The following CENPF variants were observed in gnomAD, a reference collection of about 807,000 sequenced individuals.
The protein encoded by CENPF is AH antigen.
A neutral mutation model predicts 307.3 loss-of-function variants in CENPF; 214 were observed. That is an observed-to-expected ratio of 0.70 (90% CI 0.62 to 0.78). The LOEUF (loss-of-function observed/expected upper bound fraction) is 0.78. Ranked by LOEUF, CENPF falls within the 30% of genes least tolerant of loss-of-function variation. CENPF has a pLI of 0.00. For missense variants in CENPF, 3,401 were observed against 3,483.9 expected, an observed-to-expected ratio of 0.98 and a Z score of 0.60; for synonymous variants, 1,259 against 1,270.6, an observed-to-expected ratio of 0.99 and a Z score of 0.19.
chr1:214,639,928 T>A lies in CENPF; in HGVS notation c.1590T>A (p.Asn530Lys). ...TTATTTATTTTTAAATAGCGAAGAA[T>A]ACCTCTCAGGAAACCATGTTAAGAG... is the stretch of plus-strand genomic sequence containing the variant. ...QNFAEEMKAK[N>K]TSQETMLRDL... Residue 530 changes from asparagine to lysine, a missense_variant, in exon 12 of 20, where the codon AAT (asparagine) becomes AAA (lysine). Asn to Lys is a moderately conservative substitution (Grantham distance 94). Transcript: ENST00000366955. The A allele has an allele frequency of 6.6e-7, 1 of 1,504,766 alleles. No homozygotes were observed. Among genetic ancestry groups the A allele is most frequent in the Non-Finnish European group, 8.8e-7 (1 of 1,133,150 alleles). 93.2% of individuals were successfully genotyped at this position (1,504,766 alleles called of 1,614,324 possible).
chr1:214,633,302 C>G (rs941147254), intron 10 of CENPF, among the ~76,000 whole-genome samples: 24 of 152,148 alleles, frequency 1.6e-4, no homozygotes, highest in African/African-American at 5.6e-4. Context: ...TTCAATTTGG[C>G]TTCTCTCTGA....
rs761984704 is a variant in CENPF at position 214,642,522 on chromosome 1, T to C, written c.4184T>C (p.Leu1395Ser). ...AGTAATTCCTACGAGCACTTGACAT[T>C]GTCAGACAAAGAAGTTCAAATGCAC... ...DESNSYEHLT[L>S]SDKEVQMHFA... Residue 1395 changes from leucine (L) to serine (S), a missense_variant, in exon 12 of 20, where the codon TTG becomes TCG. Coordinates refer to ENST00000366955, the MANE Select transcript of CENPF (RefSeq NM_016343.4). 1 of 1,612,436 alleles carries C rather than the reference T, an allele frequency of 6.2e-7. No homozygotes were observed. The highest frequency in any genetic ancestry group is 8.5e-7 in the Non-Finnish European group (1 of 1,179,270).
rs1558172993 is a variant in CENPF, at chr1:214,620,865, G to C, written c.784G>C (p.Gly262Arg). ...TCCAAGTCGATCAACTTTGCAAATAGGGAAAAGAGATGCTAATAGCAGTTT... is the reference window on the plus strand; with the variant it reads ...TCCAAGTCGATCAACTTTGCAAATACGGAAAAGAGATGCTAATAGCAGTTT... ...VTPSRSTLQI[G>R]KRDANSSFFD... The change falls in exon 6 of 20, where the codon GGG (glycine) becomes CGG (arginine). Residue 262 changes from glycine (G) to arginine (R), a missense_variant. Transcript: ENST00000366955. 1 of 1,614,176 alleles carries C rather than the reference G, an allele frequency of 6.2e-7. No homozygotes were observed. The highest frequency in any genetic ancestry group is 1.3e-5 in the African/African-American group (1 of 75,044).
intron 18 of CENPF, 22 bp from the exon 19 acceptor site, chr1:214,658,826 GAC>G (rs1283292806): frequency 6.2e-7 from 1 of 1,612,076 alleles, no homozygotes; most frequent in East Asian, 2.2e-5. Flanking sequence ...TAGCAGTGCT[GAC>G]AGTTATTTTT....
At chr1:214,644,343 C>A (rs1658218685) in intron 12 of CENPF, among the ~76,000 whole-genome samples, 1 of 152,300 alleles carries the variant, frequency 6.6e-6, no homozygotes, top group South Asian at 2.1e-4. Context: ...AAATGCCTAA[C>A]CCCAGTGTCT....
At position 214,659,376 on chromosome 1, in the gene CENPF, C is replaced by A. The variant is rs995044922; in HGVS notation, c.9141+348C>A. Among the ~76,000 whole-genome samples, 18 of 151,860 alleles carry A rather than the reference C, an allele frequency of 1.2e-4. No individual in the cohort carries two copies. The highest frequency in any genetic ancestry group is 4.1e-4 in the African/African-American group (17 of 41,334). ...CACTGGTATTAGTCATTGTTTGTTT[C>A]AAACTTTACTCTCACTTATCTGCCC... On this transcript the variant is annotated intron_variant, in intron 19 of 19. Coordinates refer to ENST00000366955, the MANE Select transcript of CENPF (RefSeq NM_016343.4). This position sits in a 1 kb window ranked among gnomAD's most constrained non-coding sequence, Gnocchi z 4.4.
chr1:214,646,182 C>A lies in CENPF; in HGVS notation c.6612C>A (p.Asp2204Glu). Residue 2204 changes from aspartate to glutamate, a missense_variant, in exon 13 of 20, where the codon GAC becomes GAA. By Grantham distance (45) the Asp-to-Glu change is conservative. Transcript: ENST00000366955. ...MARSLKVFELDLVTLRSEKEN... is the reference protein window; with the variant it reads ...MARSLKVFELELVTLRSEKEN... ...GAAGCCTGAAAGTTTTTGAATTAGACCTTGTCACGTTAAGGTCTGAAAAAG... is the reference window on the plus strand; with the variant it reads ...GAAGCCTGAAAGTTTTTGAATTAGAACTTGTCACGTTAAGGTCTGAAAAAG... 2 of 1,613,336 alleles carry A rather than the reference C, an allele frequency of 1.2e-6. No homozygotes were observed. The highest frequency in any genetic ancestry group is 1.7e-6 in the Non-Finnish European group (2 of 1,179,884).
At chr1:214,604,805 G>T (rs1656979814) in intron 1 of CENPF, among the ~76,000 whole-genome samples, 3 of 152,030 alleles carry the variant, frequency 2.0e-5, no homozygotes, top group Admixed American at 2.0e-4. Context: ...GGATAAATGG[G>T]AGTGGAATAC....
At chr1:214,663,520 T>C (rs751472088) in intron 19 of CENPF, 71 bp from the exon 20 acceptor site, 13 of 1,430,828 alleles carry the variant, frequency 9.1e-6, no homozygotes, top group Admixed American at 3.6e-5. Flanking sequence ...CTTAGTGACA[T>C]AGTGCTTTAT....
chr1:214,651,661 T>C, intron 14 of CENPF, 49 bp from the exon 15 acceptor site: 1 of 1,373,766 alleles, frequency 7.3e-7, no homozygotes, highest in Non-Finnish European at 9.9e-7. Context: ...ATTTCCAGGT[T>C]CTTAATTATG....
chr1:214,658,457 T>TA (rs1233587395), intron 18 of CENPF, among the ~76,000 whole-genome samples: 1 of 151,998 alleles, frequency 6.6e-6, no homozygotes, highest in African/African-American at 2.4e-5. Context: ...TTTTTTTTTT[T>TA]ATCTTTTATT....
intron 3 of CENPF, among the ~76,000 whole-genome samples, chr1:214,616,998 CTCTCTTTCTTTCTTTCTTTCTCTT>C (rs1195775282): frequency 9.3e-5 from 12 of 129,098 alleles, no homozygotes; most frequent in African/African-American, 1.7e-4. Flanking sequence ...CTCTCTCTTT[CTCTCTTTCTTTCTTTCTTTCTCTT>C]TCTCTTTCTT....
chr1:214,615,044 G>A lies in CENPF; in HGVS notation c.359+16G>A, dbSNP rs1170625786. Reference sequence around the variant, plus strand: ...AACTTAAAAGGTAATATTTTGGGATGGTATTTATAGGGATGATATTTGTAT... The same window carrying A: ...AACTTAAAAGGTAATATTTTGGGATAGTATTTATAGGGATGATATTTGTAT... On this transcript the variant is annotated intron_variant, in intron 3 of 19. Transcript: ENST00000366955. The A allele has an allele frequency of 6.6e-7, 1 of 1,514,892 alleles. No individual in the cohort carries two copies. Among genetic ancestry groups the A allele is most frequent in the South Asian group, 1.2e-5 (1 of 82,018 alleles). The allele number at this position is 1,514,892 out of a possible 1,614,324, so 93.8% of individuals were successfully genotyped here.
At chr1:214,649,647 G>A (rs1658408900) in intron 14 of CENPF, among the ~76,000 whole-genome samples, 1 of 152,140 alleles carries the variant, frequency 6.6e-6, no homozygotes, top group Non-Finnish European at 1.5e-5. Context: ...GAAAGGTTTT[G>A]GCATCAAATC....
In CENPF at chr1:214,654,713, G is replaced by A. The variant is rs566436374; in HGVS notation, c.8323-528G>A. 1.6e-4 allele frequency among the ~76,000 whole-genome samples: 25 copies of A among 151,898 alleles called. No homozygotes were observed. In the East Asian group the frequency reaches 4.1e-3, roughly 25 times the overall value. The stretch of plus-strand genomic sequence containing the variant: ...ATGTGAACTTGTACCACTGAGAAGC[G>A]TATGAGGACACAATTCTCCCATCAT... On this transcript the variant is annotated intron_variant, in intron 16 of 19. Transcript: ENST00000366955.
chr1:214,642,840 A>C lies in CENPF; in HGVS notation c.4502A>C (p.Glu1501Ala). Residue 1501 changes from glutamate (E) to alanine (A), a missense_variant, in exon 12 of 20, where the codon GAA becomes GCA. Transcript: ENST00000366955. ...GDSSFYRALL[E>A]QTGDMSLLSN... ...TCCTCCTTTTACAGAGCTCTTTTAG[A>C]ACAGACAGGAGATATGTCTCTTTTG... The C allele has an allele frequency of 6.2e-7, 1 of 1,614,086 alleles. No individual in the cohort carries two copies. The highest frequency in any genetic ancestry group is 8.5e-7 in the Non-Finnish European group (1 of 1,180,004).
intron 8 of CENPF, 130 bp downstream of exon 8, chr1:214,629,301 G>C: frequency 2.4e-6 from 2 of 837,074 alleles, no homozygotes; most frequent in Admixed American, 3.1e-5. Flanking sequence ...TGCTTTGTGA[G>C]CTAAAGGTCA....
chr1:214,661,368 C>T (rs1244788759), intron 19 of CENPF, among the ~76,000 whole-genome samples: 2 of 152,138 alleles, frequency 1.3e-5, no homozygotes, highest in African/African-American at 4.8e-5. Context: ...ATGCTTGCTG[C>T]CTCATCTGTT....
At chr1:214,605,920 G>T in intron 1 of CENPF, 3 of 1,597,446 alleles carry the variant, frequency 1.9e-6, no homozygotes, top group Non-Finnish European at 2.5e-6. Context: ...CGTCGAAGCA[G>T]TAGGTCTTCT....
Sources: allele counts gnomAD v4.1 joint callset (sites outside exome capture counted in the v4.1 genomes callset), GRCh38; gene constraint gnomAD v4.1.1; non-coding constraint Gnocchi (gnomAD v3.1); transcripts MANE v1.5; gene names NCBI Gene and HGNC (gene_info 2026-07-23, HGNC 2026-07-21).